The following PROM2 variants were observed in gnomAD, a reference collection of about 807,000 sequenced individuals.
The protein encoded by PROM2 is prominin-2.
Under a neutral mutation model 110.2 loss-of-function variants are expected in PROM2, and 90 were observed. That is an observed-to-expected ratio of 0.82 (90% CI 0.69 to 0.97). The LOEUF (loss-of-function observed/expected upper bound fraction) is 0.97. Among genes scored for constraint, PROM2 ranks in the 50% least tolerant of loss-of-function variants. The pLI, the probability that PROM2 is intolerant of heterozygous loss-of-function variation, is 0.00. For synonymous variants in PROM2, 470 were observed against 467.8 expected, an observed-to-expected ratio of 1.00 and a Z score of -0.06; for missense variants, 1,009 against 1,074.8, an observed-to-expected ratio of 0.94 and a Z score of 0.86.
At chr2:95,289,057 T>TTG in intron 23 of PROM2, 51 bp downstream of exon 23, 1 of 802,936 alleles carries the variant, frequency 1.2e-6, no homozygotes, top group Non-Finnish European at 2.0e-6. Context: ...ATTAAGGGAG[T>TTG]GGGGTGGGGA....
At chr2:95,284,846 T>G in intron 14 of PROM2, 123 bp from the exon 15 acceptor site, 2 of 1,154,812 alleles carry the variant, frequency 1.7e-6, no homozygotes, top group Non-Finnish European at 2.4e-6. Context: ...CATTGCAACA[T>G]GAAATTTGGA....
rs780397056 is a variant in PROM2 at position 95,278,619 on chromosome 2, G to A, written c.1051-102G>A. 9.0e-5 allele frequency: 117 copies of A among 1,299,004 alleles called. 1 individual carries two copies. The highest frequency in any genetic ancestry group is 1.2e-4 in the Non-Finnish European group (109 of 894,948). The allele number at this position is 1,299,004 out of a possible 1,614,324, so 80.5% of individuals were successfully genotyped here. On this transcript the variant is annotated intron_variant, in intron 8 of 23. Transcript: ENST00000317620. ...CCAAGAGAAAAGAGGGAAACTGGGA[G>A]CACTGAGGGGGGCCCTCCCTCTAGG...
At position 95,281,921 on chromosome 2, in the gene PROM2, C is replaced by T. The variant is rs868427348; in HGVS notation, c.1552-4C>T. The T allele has an allele frequency of 8.8e-5, 142 of 1,613,258 alleles. No individual in the cohort carries two copies. The Middle Eastern group carries it at 4.0e-3, about 45-fold the overall frequency. ...GTGCCCATTTCTCACTGCCCCATCC[C>T]CAGTTTGCAGACACCCCAGGGAACC... On this transcript the variant is annotated splice_polypyrimidine_tract_variant and splice_region_variant and intron_variant, in intron 12 of 23. Coordinates refer to ENST00000317620, the MANE Select transcript of PROM2 (RefSeq NM_001165978.3).
At chr2:95,280,873 A>G (rs1282955664) in intron 11 of PROM2, among the ~76,000 whole-genome samples, 1 of 152,044 alleles carries the variant, frequency 6.6e-6, no homozygotes, top group East Asian at 1.9e-4. Context: ...ATACTCCTGG[A>G]CTCAAGCTAT....
At chr2:95,286,439 G>A in intron 16 of PROM2, 40 bp from the exon 17 acceptor site, 7 of 1,567,710 alleles carry the variant, frequency 4.5e-6, no homozygotes, top group South Asian at 1.1e-5. Flanking sequence ...CGGGTAGATG[G>A]GTCCTGGGCG....
intron 9 of PROM2, 90 bp downstream of exon 9, chr2:95,278,874 CG>C: frequency 6.2e-7 from 1 of 1,603,380 alleles, no homozygotes; most frequent in Non-Finnish European, 8.5e-7. Flanking sequence ...ACTGGGGTGG[CG>C]GGGGACTGTC....
chr2:95,288,710 C>G (rs1476715023), intron 22 of PROM2, 121 bp downstream of exon 22: 3 of 883,252 alleles, frequency 3.4e-6, no homozygotes, highest in Non-Finnish European at 5.3e-6. Context: ...CATGAGCGAG[C>G]CCTGAAGAGC....
In PROM2 at chr2:95,274,819, T is replaced by G; in HGVS notation, c.234T>G (p.Pro78=). Residue 78 remains proline, a synonymous_variant, in exon 1 of 24, where the codon CCT becomes CCG. Coordinates refer to ENST00000317620, the MANE Select transcript of PROM2 (RefSeq NM_001165978.3). Reference sequence around the variant, plus strand: ...TCCTCTCGGTGGTGCAGCTCAATCCTTTCCCTTCAGGTGAGTGTGCCCCTC... The same window carrying G: ...TCCTCTCGGTGGTGCAGCTCAATCCGTTCCCTTCAGGTGAGTGTGCCCCTC... ...RRFLSVVQLN[P]FPSELVKALL... is the part of the protein sequence containing the mutation. The G allele has an allele frequency of 6.4e-7, 1 of 1,558,590 alleles. No individual in the cohort carries two copies. The highest frequency in any genetic ancestry group is 1.4e-5 in the African/African-American group (1 of 69,738).
intron 16 of PROM2, 139 bp downstream of exon 16, chr2:95,285,849 C>A: frequency 1.3e-6 from 1 of 778,370 alleles, no homozygotes; most frequent in Non-Finnish European, 2.1e-6. Flanking sequence ...TGACCCCTGG[C>A]TGGGCTGGAG....
intron 22 of PROM2, 88 bp downstream of exon 22, chr2:95,288,677 A>G: frequency 8.7e-7 from 1 of 1,155,348 alleles, no homozygotes. Flanking sequence ...GCCCCTCCTG[A>G]GACCTCCCAG....
chr2:95,281,309 G>T lies in PROM2; in HGVS notation c.1495G>T (p.Gly499Cys). 1 of 1,613,356 alleles carries T rather than the reference G, an allele frequency of 6.2e-7. No homozygotes were observed. The change falls in exon 12 of 24, where the codon GGT becomes TGT. Residue 499 changes from glycine (G) to cysteine (C), a missense_variant. Physicochemically the swap from Gly to Cys is radical, Grantham distance 159. Coordinates refer to ENST00000317620, the MANE Select transcript of PROM2 (RefSeq NM_001165978.3). ...CCTGGTGTTCGCCACCTTCCTGGTGGGTGGCAACGTGCAGACGCTGGTGTG... is the reference window on the plus strand; with the variant it reads ...CCTGGTGTTCGCCACCTTCCTGGTGTGTGGCAACGTGCAGACGCTGGTGTG... The part of the protein sequence containing the change: ...ILLVFATFLV[G>C]GNVQTLVCQS...
intron 14 of PROM2, among the ~76,000 whole-genome samples, chr2:95,284,107 A>C (rs910264642): frequency 6.6e-6 from 1 of 152,200 alleles, no homozygotes; most frequent in African/African-American, 2.4e-5. Flanking sequence ...CATTTGGGGC[A>C]GGGGCCTACT....
Position 95,282,215 on chromosome 2 carries a change from G to A in PROM2, c.1717G>A (p.Asp573Asn), listed in dbSNP as rs780463952. ...NDSYDLEEHLDINQYTNKLRQ... is the reference protein window; with the variant it reads ...NDSYDLEEHLNINQYTNKLRQ... The stretch of plus-strand genomic sequence containing the variant: ...CTCCTACGACCTGGAGGAGCACCTG[G>A]ATATCAACCAGGTGAGAGAACGTTT... Residue 573 changes from aspartate (D) to asparagine (N), a missense_variant, in exon 14 of 24, where the codon GAT (aspartate) becomes AAT (asparagine). Physicochemically the swap from Asp to Asn is conservative, Grantham distance 23 (BLOSUM62 1). Transcript: ENST00000317620. The A allele has an allele frequency of 3.1e-6, 5 of 1,613,550 alleles. No individual in the cohort carries two copies. The South Asian group carries it at 5.5e-5, about 18-fold the overall frequency.
intron 19 of PROM2, 25 bp from the exon 20 acceptor site, chr2:95,287,371 C>A: frequency 6.2e-7 from 1 of 1,613,674 alleles, no homozygotes; most frequent in Non-Finnish European, 8.5e-7. Context: ...ACCCCTACAG[C>A]TCAGACCTCC....
rs1305153937 is a variant in PROM2, at chr2:95,276,864, C to T, written c.683-108C>T. Reference sequence around the variant, plus strand: ...GTCCCCGCTCCTTCACTCCCCTCCACCCCCCGGCTCCTGCAGAGCCCGGTG... The same window carrying T: ...GTCCCCGCTCCTTCACTCCCCTCCATCCCCCGGCTCCTGCAGAGCCCGGTG... On this transcript the variant is annotated intron_variant, in intron 5 of 23. Coordinates refer to ENST00000317620, the MANE Select transcript of PROM2 (RefSeq NM_001165978.3). The surrounding 1 kb of genome is among the most constrained non-coding windows in gnomAD (Gnocchi z 4.6). 2 of 1,241,796 alleles carry T rather than the reference C, an allele frequency of 1.6e-6. No homozygotes were observed. The highest frequency in any genetic ancestry group is 1.3e-5 in the South Asian group (1 of 75,498). 76.9% of individuals were successfully genotyped at this position (1,241,796 alleles called of 1,614,324 possible).
rs1156741229 is a variant in PROM2, at chr2:95,276,213, C to T, written c.498-14C>T. ...TACCCAGCAAGCACCTTCCTCCTCC[C>T]TCCATTCCCACAGGATTGGTGTGGT... On this transcript the variant is annotated splice_polypyrimidine_tract_variant and intron_variant, in intron 3 of 23. Transcript: ENST00000317620. This position sits in a 1 kb window ranked among gnomAD's most constrained non-coding sequence, Gnocchi z 4.6. 1.9e-6 allele frequency: 3 copies of T among 1,613,944 alleles called. No homozygotes were observed. The highest frequency in any genetic ancestry group is 2.5e-6 in the Non-Finnish European group (3 of 1,180,016).
chr2:95,276,465 C>T lies in PROM2; in HGVS notation c.618+118C>T. 1.3e-6 allele frequency: 2 copies of T among 1,592,594 alleles called. No homozygotes were observed. Among genetic ancestry groups the T allele is most frequent in the South Asian group, 1.1e-5 (1 of 89,230 alleles). On this transcript the variant is annotated intron_variant, in intron 4 of 23. Transcript: ENST00000317620. This position sits in a 1 kb window ranked among gnomAD's most constrained non-coding sequence, Gnocchi z 4.6. Reference sequence around the variant, plus strand: ...GCGCATCTGAAAGCCGCCTCCTCTCCCGCCCTTGCCTGAGAGTCGACCACC... The same window carrying T: ...GCGCATCTGAAAGCCGCCTCCTCTCTCGCCCTTGCCTGAGAGTCGACCACC...
chr2:95,284,864 A>G (rs1453688923), intron 14 of PROM2, 105 bp from the exon 15 acceptor site: 4 of 1,294,128 alleles, frequency 3.1e-6, no homozygotes, highest in African/African-American at 1.5e-5. Context: ...GGAGGGGACA[A>G]ATATCCAAAC....
Position 95,279,945 on chromosome 2 carries a change from G to A in PROM2, c.1375G>A (p.Asp459Asn), listed in dbSNP as rs144977181. The change falls in exon 11 of 24, where the codon GAC becomes AAC. Residue 459 changes from aspartate (D) to asparagine (N), a missense_variant. By Grantham distance (23) the Asp-to-Asn change is conservative (BLOSUM62 1). Transcript: ENST00000317620. ...LGIWGLSARD[D>N]PSHPEAKGEA... ...CATCTGGGGCCTGTCTGCCAGGGAC[G>A]ACCCCAGCCACCCAGAAGCCAAGGG... The A allele has an allele frequency of 9.8e-6, 15 of 1,527,870 alleles. No individual in the cohort carries two copies. Among genetic ancestry groups the A allele is most frequent in the East Asian group, 5.0e-5 (2 of 39,686 alleles). The allele number at this position is 1,527,870 out of a possible 1,614,324, so 94.6% of individuals were successfully genotyped here.
Sources: allele counts gnomAD v4.1 joint callset (sites outside exome capture counted in the v4.1 genomes callset), GRCh38; gene constraint gnomAD v4.1.1; non-coding constraint Gnocchi (gnomAD v3.1); transcripts MANE v1.5; gene names NCBI Gene and HGNC (gene_info 2026-07-23, HGNC 2026-07-21).